Variants in RAP1GAP2 observed in about 807,000 individuals in gnomAD.
RAP1GAP2 encodes RAP1 GTPase activating protein 2, also known as rap1 GTPase-activating protein 2.
Under a neutral mutation model 95.0 loss-of-function variants are expected in RAP1GAP2, and 27 were observed. The observed-to-expected ratio is 0.28, with a 90% confidence interval of 0.21 to 0.39. RAP1GAP2 has a LOEUF of 0.39. RAP1GAP2 is among the 10% of genes least tolerant of loss of function. The pLI is 1.00. For missense variants in RAP1GAP2, 771 were observed against 970.0 expected, an observed-to-expected ratio of 0.79 and a Z score of 2.72; for synonymous variants, 373 against 380.9, an observed-to-expected ratio of 0.98 and a Z score of 0.24.
intron 16 of RAP1GAP2, among the ~76,000 whole-genome samples, chr17:3,006,879 A>G (rs768451529): frequency 6.6e-6 from 1 of 152,076 alleles, no homozygotes; most frequent in Non-Finnish European, 1.5e-5. Context: ...ATAGATAGTT[A>G]TAGTACAGTG....
chr17:3,027,018 C>G lies in RAP1GAP2; in HGVS notation c.2055C>G (p.Ser685Arg). The change falls in exon 22 of 25, where the codon AGC (serine) becomes AGG (arginine). Residue 685 changes from serine to arginine, a missense_variant. By Grantham distance (110) the Ser-to-Arg change is moderately radical. Transcript: ENST00000254695. This position sits in a 1 kb window ranked among gnomAD's most constrained non-coding sequence, Gnocchi z 5.2. ...ACAGCCCGTCCCCGAGCAGCGAGAG[C>G]CCCAGCCTGGGGGCAGCTGCCACCC... ...FVYSPSPSSE[S>R]PSLGAAATPI... 1 of 1,570,846 alleles carries G rather than the reference C, an allele frequency of 6.4e-7. No individual in the cohort carries two copies. The highest frequency in any genetic ancestry group is 8.6e-7 in the Non-Finnish European group (1 of 1,158,366).
chr17:2,794,952 A>T (rs178569), upstream of RAP1GAP2, among the ~76,000 whole-genome samples: 138,362 of 146,920 alleles, frequency 0.94, 65,654 homozygotes, highest in Non-Finnish European at 1. Flanking sequence ...ATCTTGGCTC[A>T]CTGCAACCTC....
At chr17:2,847,257 T>A (rs148738767) in intron 2 of RAP1GAP2, among the ~76,000 whole-genome samples, 76 of 152,288 alleles carry the variant, frequency 5.0e-4, no homozygotes, top group African/African-American at 1.8e-3. Context: ...TCCACCCGCC[T>A]CAGCCTCCCA....
chr17:2,858,010 C>A (rs1273740361), intron 2 of RAP1GAP2, among the ~76,000 whole-genome samples: 1 of 152,074 alleles, frequency 6.6e-6, no homozygotes, highest in Non-Finnish European at 1.5e-5. Flanking sequence ...TGAGGCAGGA[C>A]AACTGCTTGA....
intron 17 of RAP1GAP2, among the ~76,000 whole-genome samples, chr17:3,013,383 G>A (rs1261620726): frequency 6.6e-6 from 1 of 152,190 alleles, no homozygotes; most frequent in Non-Finnish European, 1.5e-5. Flanking sequence ...GTCCACGAGA[G>A]AGCTCAGGCC....
chr17:2,962,878 C>T (rs776349685), intron 5 of RAP1GAP2, 164 bp downstream of exon 5: 35 of 663,154 alleles, frequency 5.3e-5, no homozygotes, highest in African/African-American at 2.0e-4. Context: ...GACCAGTGCA[C>T]GGTGGGCAGC....
intron 1 of RAP1GAP2, among the ~76,000 whole-genome samples, chr17:2,780,426 T>G (rs2068618443): frequency 6.6e-6 from 1 of 151,790 alleles, no homozygotes; most frequent in African/African-American, 2.4e-5. Context: ...AGGGGAGGAG[T>G]TGTTTGCAAA....
chr17:2,782,784 G>A (rs573110117), intron 1 of RAP1GAP2, among the ~76,000 whole-genome samples: 2 of 152,188 alleles, frequency 1.3e-5, no homozygotes, highest in East Asian at 3.9e-4. Flanking sequence ...GGGAGGCCAA[G>A]GTGAGTGGAT....
intron 19 of RAP1GAP2, among the ~76,000 whole-genome samples, chr17:3,021,271 T>C (rs1324497953): frequency 6.6e-6 from 1 of 152,152 alleles, no homozygotes; most frequent in Non-Finnish European, 1.5e-5. Flanking sequence ...TAGATCTTAT[T>C]TCTTCTATCT....
At chr17:2,757,923 G>T (rs935326316) in intron 1 of RAP1GAP2, among the ~76,000 whole-genome samples, 4 of 151,596 alleles carry the variant, frequency 2.6e-5, no homozygotes, top group African/African-American at 9.7e-5. Flanking sequence ...AAGCTGGAGT[G>T]GAGTGGCGCG....
Position 3,003,928 on chromosome 17 carries a change from G to T in RAP1GAP2, c.1201-1441G>T, listed in dbSNP as rs1031126171. On this transcript the variant is annotated intron_variant, in intron 14 of 24. Coordinates refer to ENST00000254695, the MANE Select transcript of RAP1GAP2 (RefSeq NM_015085.5). The surrounding 1 kb of genome is among the most constrained non-coding windows in gnomAD (Gnocchi z 4.1). The stretch of plus-strand genomic sequence containing the variant: ...GCTCTGCTGTGGGACTGTCCAGCTG[G>T]AGGGTTGGATGGACTTGAGGATGTG... Among the ~76,000 whole-genome samples the T allele has an allele frequency of 6.6e-6, 1 of 152,182 alleles. No homozygotes were observed. Among genetic ancestry groups the T allele is most frequent in the African/African-American group, 2.4e-5 (1 of 41,452 alleles).
intron 13 of RAP1GAP2, among the ~76,000 whole-genome samples, chr17:2,995,866 G>GCAAA (rs1434657017): frequency 3.9e-5 from 6 of 152,174 alleles, no homozygotes; most frequent in Admixed American, 3.9e-4. Context: ...GTGCATGGTG[G>GCAAA]GGTTTGCAGA....
At chr17:2,813,314 A>T (rs147520430) in intron 2 of RAP1GAP2, among the ~76,000 whole-genome samples, 9 of 152,136 alleles carry the variant, frequency 5.9e-5, no homozygotes, top group Admixed American at 4.6e-4. Context: ...TGACCTCGTG[A>T]TCTGCCTGCT....
At chr17:2,856,273 G>A (rs1199971502) in intron 2 of RAP1GAP2, among the ~76,000 whole-genome samples, 2 of 152,146 alleles carry the variant, frequency 1.3e-5, no homozygotes, top group Non-Finnish European at 2.9e-5. Context: ...GTGGTTGGGG[G>A]GTGGAGAGGA....
At chr17:2,774,853 G>A (rs891128479), upstream of RAP1GAP2, among the ~76,000 whole-genome samples, 2 of 123,180 alleles carry the variant, frequency 1.6e-5, no homozygotes, top group African/African-American at 6.4e-5. Flanking sequence ...TGGAGTTTTG[G>A]TCTGTTGCCC....
intron 2 of RAP1GAP2, among the ~76,000 whole-genome samples, chr17:2,864,071 G>A (rs1333752631): frequency 1.0e-5 from 1 of 96,146 alleles, no homozygotes; most frequent in East Asian, 3.1e-4. Flanking sequence ...AAAAAAAACA[G>A]TGGCGGCGGG....
chr17:2,778,592 G>C (rs1164072319), intron 1 of RAP1GAP2, among the ~76,000 whole-genome samples: 1 of 152,132 alleles, frequency 6.6e-6, no homozygotes, highest in Non-Finnish European at 1.5e-5. Flanking sequence ...TGAGCCTTGA[G>C]GGAAAGGGAC....
At chr17:2,951,949 G>T (rs8069140) in intron 3 of RAP1GAP2, among the ~76,000 whole-genome samples, 136,740 of 151,720 alleles carry the variant, frequency 0.9, 62,907 homozygotes, top group Non-Finnish European at 1. Context: ...CAGGAGAATC[G>T]CTTGAACCCA....
chr17:3,029,463 C>T lies in RAP1GAP2; in HGVS notation c.2108-1459C>T, dbSNP rs752658631. Among the ~76,000 whole-genome samples, 8 of 152,114 alleles carry T rather than the reference C, an allele frequency of 5.3e-5. No individual in the cohort carries two copies. Among genetic ancestry groups the T allele is most frequent in the Non-Finnish European group, 7.3e-5 (5 of 68,032 alleles). ...GGTGGGCTTGGGGGGATCTGGGAAC[C>T]GGTTTCATGCTGTTTGGCTGAGTCT... On this transcript the variant is annotated intron_variant, in intron 22 of 24. Transcript: ENST00000254695. This position sits in a 1 kb window ranked among gnomAD's most constrained non-coding sequence, Gnocchi z 4.4.
Sources: allele counts gnomAD v4.1 joint callset (sites outside exome capture counted in the v4.1 genomes callset), GRCh38; gene constraint gnomAD v4.1.1; non-coding constraint Gnocchi (gnomAD v3.1); transcripts MANE v1.5; gene names NCBI Gene and HGNC (gene_info 2026-07-23, HGNC 2026-07-21).